Variants in CDH13 observed in about 807,000 individuals in gnomAD.
The protein encoded by CDH13 is cadherin-13.
Under a neutral mutation model 63.8 loss-of-function variants are expected in CDH13, and 24 were observed. That is an observed-to-expected ratio of 0.38 (90% confidence interval 0.27 to 0.53). The LOEUF is 0.53. Among genes scored for constraint, CDH13 ranks in the 20% least tolerant of loss-of-function variants. CDH13 has a pLI of 0.85. For synonymous variants in CDH13, 503 were observed against 355.3 expected (o/e 1.42, Z -4.67); for missense variants, 1,049 against 903.1 (o/e 1.16, Z -2.07).
intron 8 of CDH13, among the ~76,000 whole-genome samples, chr16:83,623,495 C>T (rs919326885): frequency 2.6e-5 from 4 of 152,176 alleles, no homozygotes; most frequent in African/African-American, 9.7e-5. Context: ...CCCCTTCGGC[C>T]TCGGAGCGGT....
chr16:83,214,369 A>G (rs7186624), intron 4 of CDH13, among the ~76,000 whole-genome samples: 1 of 151,826 alleles, frequency 6.6e-6, no homozygotes, highest in Admixed American at 6.6e-5. Flanking sequence ...CACATCAGGT[A>G]AGGAGTTCGA....
At chr16:83,501,467 T>C (rs1200512412) in intron 7 of CDH13, among the ~76,000 whole-genome samples, 9 of 152,074 alleles carry the variant, frequency 5.9e-5, no homozygotes, top group Non-Finnish European at 1.2e-4. Flanking sequence ...AGATTCTCCA[T>C]TCTTATTTCC....
intron 3 of CDH13, among the ~76,000 whole-genome samples, chr16:83,053,906 C>T (rs1029579713): frequency 1.3e-5 from 2 of 152,118 alleles, no homozygotes; most frequent in African/African-American, 2.4e-5. Flanking sequence ...TATATAGTCA[C>T]GTGTGACATA....
At chr16:83,454,674 T>A (rs2072974052) in intron 6 of CDH13, among the ~76,000 whole-genome samples, 1 of 151,664 alleles carries the variant, frequency 6.6e-6, no homozygotes. Context: ...AGAAACTGTG[T>A]TTTAAGAAAC....
chr16:82,679,498 C>G (rs3852737), intron 1 of CDH13, among the ~76,000 whole-genome samples: 48,796 of 152,024 alleles, frequency 0.32, 8,800 homozygotes, highest in East Asian at 0.63. Flanking sequence ...AGAAAAATAA[C>G]GCCTGGTAAG....
chr16:83,549,590 C>G (rs148529423), intron 7 of CDH13, among the ~76,000 whole-genome samples: 1 of 151,780 alleles, frequency 6.6e-6, no homozygotes, highest in South Asian at 2.1e-4. Context: ...TAACCCCACT[C>G]CCGTAGCACT....
At position 83,351,779 on chromosome 16, in the gene CDH13, C is replaced by A. The variant is rs143369633; in HGVS notation, c.781+6773C>A. Among the ~76,000 whole-genome samples the A allele has an allele frequency of 6.3e-4, 96 of 152,306 alleles. 1 individual carries two copies. The highest frequency in any genetic ancestry group is 2.2e-3 in the African/African-American group (90 of 41,564). On this transcript the variant is annotated intron_variant, in intron 6 of 13. Transcript: ENST00000567109. ...CGGATATGCCCTGTTATGTTTTGAT[C>A]CCTATTCAGGTGATGCTTCTAATCA...
At chr16:82,758,685 T>C (rs1182286259) in intron 1 of CDH13, among the ~76,000 whole-genome samples, 1 of 152,086 alleles carries the variant, frequency 6.6e-6, no homozygotes, top group Non-Finnish European at 1.5e-5. Context: ...TCTGGAGGGG[T>C]AGTAAATGTA....
chr16:83,010,924 G>C (rs1914088298), intron 2 of CDH13, among the ~76,000 whole-genome samples: 1 of 152,194 alleles, frequency 6.6e-6, no homozygotes, highest in African/African-American at 2.4e-5. Flanking sequence ...TGTGGCTGAA[G>C]CTCAAACCAG....
chr16:83,392,901 C>T (rs913122752), intron 6 of CDH13, among the ~76,000 whole-genome samples: 1 of 151,390 alleles, frequency 6.6e-6, no homozygotes, highest in Non-Finnish European at 1.5e-5. Context: ...GAATCTGGGT[C>T]AGGCAAGAGG....
intron 7 of CDH13, among the ~76,000 whole-genome samples, chr16:83,560,334 C>T (rs1257579985): frequency 1.3e-5 from 2 of 152,230 alleles, no homozygotes; most frequent in African/African-American, 2.4e-5. Flanking sequence ...TGGAACACTA[C>T]TCAGCCTTTA....
At chr16:82,952,530 C>T (rs945553289) in intron 2 of CDH13, among the ~76,000 whole-genome samples, 1 of 152,098 alleles carries the variant, frequency 6.6e-6, no homozygotes, top group African/African-American at 2.4e-5. Context: ...TGTTGCTTTT[C>T]AAAAAGCAGA....
intron 6 of CDH13, among the ~76,000 whole-genome samples, chr16:83,451,706 C>G (rs532086955): frequency 6.6e-6 from 1 of 152,120 alleles, no homozygotes; most frequent in Non-Finnish European, 1.5e-5. Context: ...TTTGTAGAGA[C>G]GAGGTCCCAC....
rs1913714037 is a variant in CDH13, at chr16:83,007,924, A to G, written c.158-24086A>G. Among the ~76,000 whole-genome samples the G allele has an allele frequency of 2.6e-5, 4 of 152,042 alleles. No individual in the cohort carries two copies. The South Asian group carries it at 6.2e-4, about 24-fold the overall frequency. On this transcript the variant is annotated intron_variant, in intron 2 of 13. Transcript: ENST00000567109. ...CCATAGCTATACTTGGCCAAACAACATTAAGTCAGGTTATATTTGTCCTTT... is the reference window on the plus strand; with the variant it reads ...CCATAGCTATACTTGGCCAAACAACGTTAAGTCAGGTTATATTTGTCCTTT...
chr16:82,873,066 T>C (rs118038479), intron 2 of CDH13, among the ~76,000 whole-genome samples: 3,019 of 152,320 alleles, frequency 0.02, 36 homozygotes, highest in Non-Finnish European at 0.032. Context: ...TCTGCATGGC[T>C]GCTGAAGAAT....
intron 6 of CDH13, among the ~76,000 whole-genome samples, chr16:83,454,179 C>T (rs189663498): frequency 6.6e-6 from 1 of 152,288 alleles, no homozygotes; most frequent in Admixed American, 6.5e-5. Context: ...GGGGTGATGA[C>T]TCACCTCAGA....
At chr16:83,377,036 C>G (rs2091472332) in intron 6 of CDH13, among the ~76,000 whole-genome samples, 1 of 152,088 alleles carries the variant, frequency 6.6e-6, no homozygotes, top group African/African-American at 2.4e-5. Flanking sequence ...AAGCACTATT[C>G]ATGGGAATAA....
intron 2 of CDH13, among the ~76,000 whole-genome samples, chr16:83,000,350 G>A (rs1228751271): frequency 1.5e-5 from 2 of 133,954 alleles, no homozygotes; most frequent in Non-Finnish European, 3.1e-5. Context: ...CCAGGTTCAA[G>A]CAATTGTCTT....
intron 1 of CDH13, among the ~76,000 whole-genome samples, chr16:82,689,232 G>C (rs1431187897): frequency 2.0e-5 from 3 of 151,394 alleles, no homozygotes; most frequent in Admixed American, 2.0e-4. Flanking sequence ...TTGGTAGGAT[G>C]CAGAAAATAT....
Sources: allele counts gnomAD v4.1 joint callset (sites outside exome capture counted in the v4.1 genomes callset), GRCh38; gene constraint gnomAD v4.1.1; transcripts MANE v1.5; gene names NCBI Gene and HGNC (gene_info 2026-07-23, HGNC 2026-07-21).